Variants in PTPRQ observed in about 807,000 individuals in gnomAD.
The protein encoded by PTPRQ is protein tyrosine phosphatase receptor type Q.
In PTPRQ, 199 loss-of-function variants were observed where a neutral mutation model predicts 246.0. The ratio of observed to expected loss-of-function variants is 0.81; its 90% confidence interval spans 0.72 to 0.91. The LOEUF is 0.91. Among genes scored for constraint, PTPRQ ranks in the 40% least tolerant of loss-of-function variants. The pLI, the probability that PTPRQ is intolerant of heterozygous loss-of-function variation, is 0.00. For missense variants in PTPRQ, 2,624 were observed against 2,528.4 expected, an observed-to-expected ratio of 1.04 and a Z score of -0.81; for synonymous variants, 869 against 853.2, an observed-to-expected ratio of 1.02 and a Z score of -0.32.
At chr12:80,646,723 C>G (rs1389364277) in intron 35 of PTPRQ, among the ~76,000 whole-genome samples, 2 of 151,668 alleles carry the variant, frequency 1.3e-5, no homozygotes, top group African/African-American at 2.4e-5. Context: ...TTTCACAGCA[C>G]TTAATAAATT....
rs1309919662 is a variant in PTPRQ, at chr12:80,535,144, G to T, written c.2985+107G>T. 6.3e-6 allele frequency: 7 copies of T among 1,105,400 alleles called. No homozygotes were observed. In the Admixed American group the frequency reaches 1.8e-4, roughly 29 times the overall value. The allele number at this position is 1,105,400 out of a possible 1,614,324, so 68.5% of individuals were successfully genotyped here. A position where few individuals can be genotyped will look rare whatever the true frequency, so the allele number is the denominator to read the frequency against. On this transcript the variant is annotated intron_variant, in intron 19 of 44. Transcript: ENST00000644991. ...TTGTTTACCTTACATTGATAATTAG[G>T]CACAGATGTATTTTATAAAACTCCC...
chr12:80,648,579 G>A (rs1336932519), intron 35 of PTPRQ, among the ~76,000 whole-genome samples: 2 of 151,910 alleles, frequency 1.3e-5, no homozygotes, highest in African/African-American at 4.8e-5. Flanking sequence ...TAAATACCAT[G>A]CAATATATTA....
chr12:80,535,003 T>C lies in PTPRQ; in HGVS notation c.2951T>C (p.Val984Ala), dbSNP rs1288398367. Residue 984 changes from valine to alanine, a missense_variant, in exon 19 of 45, where the codon GTT (valine) becomes GCT (alanine). Coordinates refer to ENST00000644991, the MANE Select transcript of PTPRQ (RefSeq NM_001145026.2). ...AATGGGATTATACAATATTACTCTG[T>C]TTATTACAGAAATACTTCAGGTACT... ...KPNGIIQYYS[V>A]YYRNTSGTFM... is the part of the protein sequence containing the mutation. 5 of 1,536,032 alleles carry C rather than the reference T, an allele frequency of 3.3e-6. No individual in the cohort carries two copies. In the Admixed American group the frequency reaches 8.5e-5, roughly 26 times the overall value.
At chr12:80,485,787 T>G (rs1894253240) in intron 9 of PTPRQ, among the ~76,000 whole-genome samples, 1 of 152,154 alleles carries the variant, frequency 6.6e-6, no homozygotes, top group Non-Finnish European at 1.5e-5. Context: ...GCTTTCCTAG[T>G]ACTAGATGAC....
chr12:80,541,420 G>A (rs184350438), intron 20 of PTPRQ, 135 bp from the exon 21 acceptor site: 1 of 546,096 alleles, frequency 1.8e-6, no homozygotes, highest in Non-Finnish European at 2.8e-6. Flanking sequence ...GTGAATGTTT[G>A]CCACATCTGC....
At position 80,588,202 on chromosome 12, in the gene PTPRQ, T is replaced by C; in HGVS notation, c.4359T>C (p.Pro1453=). 2.6e-6 allele frequency: 4 copies of C among 1,551,592 alleles called. No homozygotes were observed. The highest frequency in any genetic ancestry group is 3.5e-6 in the Non-Finnish European group (4 of 1,146,894). Residue 1453 remains proline (P), a synonymous_variant, in exon 26 of 45, where the codon CCT becomes CCC. Transcript: ENST00000644991. ...GTGCAACATTGACATGGATAAGACCTGACACTATCCTTGGCTACTTTCAAA... is the reference window on the plus strand; with the variant it reads ...GTGCAACATTGACATGGATAAGACCCGACACTATCCTTGGCTACTTTCAAA... The part of the protein sequence containing the change: ...STSATLTWIR[P]DTILGYFQNY...
At chr12:80,555,832 G>A (rs1390329265) in intron 25 of PTPRQ, among the ~76,000 whole-genome samples, 1 of 152,154 alleles carries the variant, frequency 6.6e-6, no homozygotes, top group Non-Finnish European at 1.5e-5. Context: ...GCAGTGGACA[G>A]TTGACCAATA....
intron 9 of PTPRQ, 43 bp downstream of exon 9, chr12:80,484,648 TG>T (rs1333147073): frequency 3.9e-6 from 6 of 1,540,888 alleles, no homozygotes. Context: ...CCTTTCTGCT[TG>T]GTTCTGGCTC....
At chr12:80,563,217 C>T (rs1251260445) in intron 25 of PTPRQ, among the ~76,000 whole-genome samples, 1 of 152,060 alleles carries the variant, frequency 6.6e-6, no homozygotes, top group Non-Finnish European at 1.5e-5. Context: ...CTGGAAAGTC[C>T]AACATCAGGG....
intron 33 of PTPRQ, among the ~76,000 whole-genome samples, chr12:80,631,392 T>G (rs1241275400): frequency 6.6e-6 from 1 of 152,210 alleles, no homozygotes; most frequent in Non-Finnish European, 1.5e-5. Context: ...TTTTTGTTAT[T>G]TGTATTTCTT....
At chr12:80,535,898 G>A (rs865886352) in intron 19 of PTPRQ, among the ~76,000 whole-genome samples, 7 of 152,284 alleles carry the variant, frequency 4.6e-5, no homozygotes, top group African/African-American at 1.7e-4. Flanking sequence ...ACAAGGTCAG[G>A]AGATCGAGAT....
intron 26 of PTPRQ, among the ~76,000 whole-genome samples, chr12:80,603,110 T>C (rs141356774): frequency 1.3e-5 from 2 of 151,902 alleles, no homozygotes; most frequent in African/African-American, 2.4e-5. Flanking sequence ...AGTTAGCTTT[T>C]ACTACTTTCT....
Position 80,493,396 on chromosome 12 carries a change from G to A in PTPRQ, c.1481G>A (p.Ser494Asn). ...TCACTTGCTACATTTATATATAACA[G>A]CCATCCAGATAAAAACTTTCCTGCA... ...LHSLATFIYNSHPDKNFPARN... is the reference protein window; with the variant it reads ...LHSLATFIYNNHPDKNFPARN... Residue 494 changes from serine to asparagine, a missense_variant, in exon 10 of 45, where the codon AGC becomes AAC. Transcript: ENST00000644991. 6.5e-7 allele frequency: 1 copy of A among 1,550,138 alleles called. No homozygotes were observed. The highest frequency in any genetic ancestry group is 8.7e-7 in the Non-Finnish European group (1 of 1,145,948).
Position 80,468,848 on chromosome 12 carries a change from A to T in PTPRQ, c.1039+10A>T, listed in dbSNP as rs1405782678. ...TTATATGGACCATCAGGTAAGCCTT[A>T]ATTGGTTTTGTGTTTGCCTTTTGGA... On this transcript the variant is annotated intron_variant, in intron 7 of 44. Coordinates refer to ENST00000644991, the MANE Select transcript of PTPRQ (RefSeq NM_001145026.2). 1 of 1,544,782 alleles carries T rather than the reference A, an allele frequency of 6.5e-7. No homozygotes were observed. The highest frequency in any genetic ancestry group is 8.7e-7 in the Non-Finnish European group (1 of 1,144,552).
At chr12:80,518,583 C>T (rs533024018) in intron 17 of PTPRQ, among the ~76,000 whole-genome samples, 7 of 151,974 alleles carry the variant, frequency 4.6e-5, no homozygotes, top group African/African-American at 1.7e-4. Context: ...GGAGATTTTA[C>T]CCAATGCAAT....
At chr12:80,631,205 T>C (rs1337974030) in intron 33 of PTPRQ, among the ~76,000 whole-genome samples, 1 of 152,182 alleles carries the variant, frequency 6.6e-6, no homozygotes, top group Non-Finnish European at 1.5e-5. Flanking sequence ...GGAGATGGTC[T>C]AGTTATAGCC....
intron 32 of PTPRQ, among the ~76,000 whole-genome samples, chr12:80,621,658 A>T (rs1898996389): frequency 6.6e-6 from 1 of 152,036 alleles, no homozygotes; most frequent in South Asian, 2.1e-4. Flanking sequence ...ATTTTAATCT[A>T]ATTCACTAGC....
chr12:80,543,409 C>T (rs1172253886), intron 23 of PTPRQ, among the ~76,000 whole-genome samples: 1 of 151,466 alleles, frequency 6.6e-6, no homozygotes, highest in Non-Finnish European at 1.5e-5. Flanking sequence ...TTTTGGAATT[C>T]AGAATTAGTG....
chr12:80,549,334 C>T (rs1896399470), intron 24 of PTPRQ, 131 bp from the exon 25 acceptor site: 2 of 1,144,284 alleles, frequency 1.7e-6, no homozygotes, highest in South Asian at 1.9e-5. Flanking sequence ...TTTAAGCACA[C>T]ATTGAAAATT....
Sources: allele counts gnomAD v4.1 joint callset (sites outside exome capture counted in the v4.1 genomes callset), GRCh38; gene constraint gnomAD v4.1.1; transcripts MANE v1.5; gene names NCBI Gene and HGNC (gene_info 2026-07-23, HGNC 2026-07-21).